Variants in PCDHGB3 observed in about 807,000 individuals in gnomAD.
PCDHGB3 encodes protocadherin gamma subfamily B, 3.
In PCDHGB3, 40 loss-of-function variants were observed where a neutral mutation model predicts 59.2. That is an observed-to-expected ratio of 0.68 (90% CI 0.52 to 0.88). The LOEUF (loss-of-function observed/expected upper bound fraction) is 0.88, where lower values mean the gene tolerates loss of function less well. Ranked by LOEUF, PCDHGB3 falls within the 40% of genes least tolerant of loss-of-function variation. The pLI is 0.00. For missense variants in PCDHGB3, 1,309 were observed against 1,187.9 expected, an observed-to-expected ratio of 1.10 and a Z score of -1.50; for synonymous variants, 581 against 503.6, an observed-to-expected ratio of 1.15 and a Z score of -2.06.
At chr5:141,475,046 T>C (rs1430484084) in intron 1 of PCDHGB3, among the ~76,000 whole-genome samples, 1 of 152,274 alleles carries the variant, frequency 6.6e-6, no homozygotes, top group African/African-American at 2.4e-5. Context: ...CTTTGTATTT[T>C]CTAAAGATTT....
Position 141,487,500 on chromosome 5 carries a change from C to G in PCDHGB3, c.2416-7307C>G. 6.2e-7 allele frequency: 1 copy of G among 1,614,178 alleles called. No individual in the cohort carries two copies. Among genetic ancestry groups the G allele is most frequent in the East Asian group, 2.2e-5 (1 of 44,862 alleles). Reference sequence around the variant, plus strand: ...CACTCTCATGGCTGTACACCCTTGGCTTCTGCACCCACTCGGAGTGATAGC... The same window carrying G: ...CACTCTCATGGCTGTACACCCTTGGGTTCTGCACCCACTCGGAGTGATAGC... On this transcript the variant is annotated intron_variant, in intron 1 of 3. Coordinates refer to ENST00000576222, the MANE Select transcript of PCDHGB3 (RefSeq NM_018924.5). The surrounding 1 kb of genome is among the most constrained non-coding windows in gnomAD (Gnocchi z 5.0).
chr5:141,384,492 A>G, intron 1 of PCDHGB3: 1 of 1,614,164 alleles, frequency 6.2e-7, no homozygotes, highest in South Asian at 1.1e-5. Flanking sequence ...TACAACTAAG[A>G]GTGACTGCAC....
chr5:141,384,682 G>A (rs1780361260), intron 1 of PCDHGB3: 1 of 1,614,222 alleles, frequency 6.2e-7, no homozygotes, highest in African/African-American at 1.3e-5. Context: ...GGTGGCGGTG[G>A]ACAAAGATTC....
At chr5:141,410,086 G>T in intron 1 of PCDHGB3, 1 of 1,612,588 alleles carries the variant, frequency 6.2e-7, no homozygotes, top group Non-Finnish European at 8.5e-7. Flanking sequence ...AGGTGCGCAC[G>T]GCTCGAGCCT....
chr5:141,481,200 T>A (rs977235584), intron 1 of PCDHGB3, among the ~76,000 whole-genome samples: 2 of 152,178 alleles, frequency 1.3e-5, no homozygotes, highest in Non-Finnish European at 2.9e-5. Flanking sequence ...CCAATTTTTT[T>A]AAAAAACATG....
Position 141,485,602 on chromosome 5 carries a change from G to A in PCDHGB3, c.2416-9205G>A, listed in dbSNP as rs766134158. On this transcript the variant is annotated intron_variant, in intron 1 of 3. Transcript: ENST00000576222. The surrounding 1 kb of genome is among the most constrained non-coding windows in gnomAD (Gnocchi z 5.7). ...GGCAGCAGCTGGACTTGGAAATTGG[G>A]GAGGCAGCTCCTCCAGGACAGCGTT... is the stretch of plus-strand genomic sequence containing the variant. 2.5e-6 allele frequency: 4 copies of A among 1,612,418 alleles called. No individual in the cohort carries two copies. In the Admixed American group the frequency reaches 5.0e-5, roughly 20 times the overall value.
intron 1 of PCDHGB3, among the ~76,000 whole-genome samples, chr5:141,406,174 G>A (rs990967391): frequency 2.6e-5 from 4 of 151,264 alleles, no homozygotes; most frequent in African/African-American, 9.7e-5. Flanking sequence ...CTGGGCTTAT[G>A]CAATCCTCCC....
At chr5:141,422,464 A>G (rs1303001624) in intron 1 of PCDHGB3, 1 of 1,613,502 alleles carries the variant, frequency 6.2e-7, no homozygotes, top group Admixed American at 1.7e-5. Context: ...AGTGCTGGAC[A>G]GGGAGTTGGT....
chr5:141,443,029 C>A (rs1281303741), intron 1 of PCDHGB3, among the ~76,000 whole-genome samples: 1 of 152,192 alleles, frequency 6.6e-6, no homozygotes, highest in Admixed American at 6.5e-5. Flanking sequence ...AGTTGCCAGA[C>A]CTAAACTTTG....
chr5:141,434,861 T>C (rs1157640770), intron 1 of PCDHGB3, among the ~76,000 whole-genome samples: 1 of 151,998 alleles, frequency 6.6e-6, no homozygotes, highest in Non-Finnish European at 1.5e-5. Context: ...TAAATTTATA[T>C]ATATGTGACA....
At position 141,371,587 on chromosome 5, in the gene PCDHGB3, C is replaced by T; in HGVS notation, c.1193C>T (p.Thr398Ile). The change falls in exon 1 of 4, where the codon ACC becomes ATC. Residue 398 changes from threonine (T) to isoleucine (I), a missense_variant. Coordinates refer to ENST00000576222, the MANE Select transcript of PCDHGB3 (RefSeq NM_018924.5). Reference protein sequence around the residue: ...GNFPFKIVQDTKNTYRLVTDG... With the variant: ...GNFPFKIVQDIKNTYRLVTDG... ...TTCCCCTTTAAAATCGTTCAAGATA[C>T]CAAAAACACATACAGGTTGGTGACA... 1.2e-6 allele frequency: 2 copies of T among 1,613,898 alleles called. No homozygotes were observed. The highest frequency in any genetic ancestry group is 1.7e-6 in the Non-Finnish European group (2 of 1,179,832).
chr5:141,484,653 C>G (rs2099598614), intron 1 of PCDHGB3, among the ~76,000 whole-genome samples: 1 of 152,036 alleles, frequency 6.6e-6, no homozygotes, highest in Non-Finnish European at 1.5e-5. Flanking sequence ...AATGGCTACT[C>G]TCCCTCTCAG....
chr5:141,459,613 C>A (rs1040874685), intron 1 of PCDHGB3, among the ~76,000 whole-genome samples: 1 of 152,188 alleles, frequency 6.6e-6, no homozygotes, highest in African/African-American at 2.4e-5. Context: ...ATATGCTTAA[C>A]TTTATAAGAA....
intron 1 of PCDHGB3, among the ~76,000 whole-genome samples, chr5:141,488,534 A>C (rs1169478867): frequency 1.3e-5 from 2 of 152,292 alleles, no homozygotes; most frequent in East Asian, 3.9e-4. Flanking sequence ...AGAAAAGCTA[A>C]GTCCCATGTC....
At chr5:141,423,205 A>G in intron 1 of PCDHGB3, 1 of 1,613,612 alleles carries the variant, frequency 6.2e-7, no homozygotes, top group South Asian at 1.1e-5. Flanking sequence ...GGCCACCGTC[A>G]CGCTCACCGT....
chr5:141,374,674 G>A, intron 1 of PCDHGB3: 1 of 1,610,698 alleles, frequency 6.2e-7, no homozygotes, highest in Non-Finnish European at 8.5e-7. Flanking sequence ...TGGTGCTGGA[G>A]GGCACACTGG....
chr5:141,436,207 A>G (rs544201723), intron 1 of PCDHGB3, among the ~76,000 whole-genome samples: 67 of 152,260 alleles, frequency 4.4e-4, no homozygotes, highest in Non-Finnish European at 7.9e-4. Flanking sequence ...ACATAATAGG[A>G]AAACAAATGA....
rs755190269 is a variant in PCDHGB3 at position 141,385,225 on chromosome 5, G to A, written c.2415+12416G>A. 9.9e-6 allele frequency: 16 copies of A among 1,614,114 alleles called. No individual in the cohort carries two copies. Among genetic ancestry groups the A allele is most frequent in the Non-Finnish European group, 1.3e-5 (15 of 1,180,054 alleles). On this transcript the variant is annotated intron_variant, in intron 1 of 3. Transcript: ENST00000576222. ...CCTGATCTTCCCCCAGCCCAACTAT[G>A]TAGACATGCTCATCAGCCAGGAGAG...
Position 141,485,486 on chromosome 5 carries a change from C to T in PCDHGB3, c.2416-9321C>T, listed in dbSNP as rs2099614522. 6 of 1,614,102 alleles carry T rather than the reference C, an allele frequency of 3.7e-6. No individual in the cohort carries two copies. The highest frequency in any genetic ancestry group is 2.2e-5 in the East Asian group (1 of 44,866). The stretch of plus-strand genomic sequence containing the variant: ...TGGGCTCAGTGCCAGCTGCATCGTG[C>T]CCCTGGAGTTTGTCACCGAAGGTCC... On this transcript the variant is annotated intron_variant, in intron 1 of 3. Coordinates refer to ENST00000576222, the MANE Select transcript of PCDHGB3 (RefSeq NM_018924.5). This position sits in a 1 kb window ranked among gnomAD's most constrained non-coding sequence, Gnocchi z 5.7.
Sources: allele counts gnomAD v4.1 joint callset (sites outside exome capture counted in the v4.1 genomes callset), GRCh38; gene constraint gnomAD v4.1.1; non-coding constraint Gnocchi (gnomAD v3.1); transcripts MANE v1.5; gene names NCBI Gene and HGNC (gene_info 2026-07-23, HGNC 2026-07-21).